SPATS2: variants seen among roughly 807,000 people sequenced by gnomAD.
SPATS2 encodes the protein spermatogenesis associated serine rich 2, also known as spermatogenesis-associated serine-rich protein 2.
A neutral mutation model predicts 63.7 loss-of-function variants in SPATS2; 38 were observed. That is an observed-to-expected ratio of 0.60 (90% CI 0.46 to 0.78). The LOEUF is 0.78. Ranked by LOEUF, SPATS2 falls within the 30% of genes least tolerant of loss-of-function variation. SPATS2 has a pLI of 0.00. For synonymous variants in SPATS2, 207 were observed against 232.9 expected (o/e 0.89, Z 1.01); for missense variants, 588 against 666.2 (o/e 0.88, Z 1.29).
At chr12:49,453,031 C>T (rs1592411390) in intron 2 of SPATS2, among the ~76,000 whole-genome samples, 1 of 151,802 alleles carries the variant, frequency 6.6e-6, no homozygotes, top group South Asian at 2.1e-4. Flanking sequence ...TGATGGCGGG[C>T]GCCTGTAGTC....
chr12:49,483,577 G>A (rs1946241237), intron 3 of SPATS2, among the ~76,000 whole-genome samples: 1 of 152,120 alleles, frequency 6.6e-6, no homozygotes, highest in Non-Finnish European at 1.5e-5. Context: ...ATTAATTCAA[G>A]GTTCAAGATT....
intron 4 of SPATS2, chr12:49,486,373 G>A (rs1165187413): frequency 4.4e-5 from 14 of 315,030 alleles, no homozygotes; most frequent in South Asian, 2.3e-4. Flanking sequence ...GCCTGGCTAA[G>A]TTTTTATATT....
At chr12:49,430,574 G>A (rs1237812912) in intron 2 of SPATS2, among the ~76,000 whole-genome samples, 1 of 152,086 alleles carries the variant, frequency 6.6e-6, no homozygotes, top group African/African-American at 2.4e-5. Flanking sequence ...TGCAGGTGTA[G>A]TAGGTTAGCA....
At chr12:49,415,064 C>T (rs562171666) in intron 2 of SPATS2, among the ~76,000 whole-genome samples, 2 of 151,572 alleles carry the variant, frequency 1.3e-5, no homozygotes, top group East Asian at 1.9e-4. Flanking sequence ...CTTAGCCTCC[C>T]GAGTAGAGGC....
chr12:49,454,054 AGGCTT>A (rs1014607171), intron 2 of SPATS2, among the ~76,000 whole-genome samples: 1 of 151,942 alleles, frequency 6.6e-6, no homozygotes, highest in Non-Finnish European at 1.5e-5. Context: ...TAGTAGAGAC[AGGCTT>A]TCACTGTGTT....
At chr12:49,443,032 A>G (rs1007896488) in intron 2 of SPATS2, among the ~76,000 whole-genome samples, 1 of 152,104 alleles carries the variant, frequency 6.6e-6, no homozygotes, top group African/African-American at 2.4e-5. Context: ...GGCTTATTCT[A>G]TTAGCATCTG....
chr12:49,514,072 G>A (rs1189546261), intron 9 of SPATS2, among the ~76,000 whole-genome samples: 1 of 151,890 alleles, frequency 6.6e-6, no homozygotes. Flanking sequence ...CAGGAGAATG[G>A]CGTGAACCCG....
intron 2 of SPATS2, among the ~76,000 whole-genome samples, chr12:49,410,079 G>T (rs536817720): frequency 1.0e-3 from 155 of 148,938 alleles, no homozygotes; most frequent in African/African-American, 2.9e-3. Flanking sequence ...GTTTTTTTTT[G>T]TTGTTGTTGT....
intron 2 of SPATS2, among the ~76,000 whole-genome samples, chr12:49,392,497 G>A (rs1326151053): frequency 6.6e-6 from 1 of 152,138 alleles, no homozygotes; most frequent in African/African-American, 2.4e-5. Flanking sequence ...TGAATCACCT[G>A]AGGTCAGGAG....
chr12:49,449,058 T>C (rs1240979458), intron 2 of SPATS2, among the ~76,000 whole-genome samples: 1 of 152,252 alleles, frequency 6.6e-6, no homozygotes, highest in East Asian at 1.9e-4. Context: ...AAACAGGCAG[T>C]AGAGCTGACT....
At chr12:49,522,157 G>A (rs78471387) in intron 11 of SPATS2, among the ~76,000 whole-genome samples, 1,934 of 152,248 alleles carry the variant, frequency 0.013, 38 homozygotes, top group African/African-American at 0.038. Context: ...GACTCAAGGG[G>A]TTGGTTACTT....
intron 3 of SPATS2, among the ~76,000 whole-genome samples, chr12:49,468,121 C>T: frequency 1.4e-5 from 2 of 143,714 alleles, no homozygotes; most frequent in South Asian, 2.3e-4. Flanking sequence ...CTCTTTCTTT[C>T]TTCTTTTTCT....
At chr12:49,475,198 C>A (rs1054343502) in intron 3 of SPATS2, among the ~76,000 whole-genome samples, 2 of 152,052 alleles carry the variant, frequency 1.3e-5, no homozygotes, top group Non-Finnish European at 2.9e-5. Flanking sequence ...TGATGTTAAG[C>A]AAAAATCCAA....
chr12:49,462,707 G>A (rs1592422418), intron 3 of SPATS2: 4 of 526,564 alleles, frequency 7.6e-6, no homozygotes, highest in Non-Finnish European at 1.4e-5. Flanking sequence ...GGGGTTGGTG[G>A]GGTGCGGGTA....
chr12:49,465,208 A>C (rs568779087), intron 3 of SPATS2, among the ~76,000 whole-genome samples: 1 of 152,148 alleles, frequency 6.6e-6, no homozygotes, highest in South Asian at 2.1e-4. Flanking sequence ...ATGTGTTTGC[A>C]TTTCTCTTGT....
rs762843949 is a variant in SPATS2 at position 49,526,121 on chromosome 12, A to G, written c.1504A>G (p.Arg502Gly). ...TCAGGCACCAGGAAACACCATTGAA[A>G]GAGGCCAGACTCACTCTGCAGGGAC... ...PSQAPGNTIE[R>G]GQTHSAGTNG... Residue 502 changes from arginine (R) to glycine (G), a missense_variant, in exon 14 of 14, where the codon AGA becomes GGA. Transcript: ENST00000552918. 7 of 1,614,094 alleles carry G rather than the reference A, an allele frequency of 4.3e-6. No homozygotes were observed. Among genetic ancestry groups the G allele is most frequent in the Non-Finnish European group, 5.1e-6 (6 of 1,180,050 alleles).
chr12:49,506,944 A>G (rs966743804), intron 9 of SPATS2, among the ~76,000 whole-genome samples: 5 of 152,194 alleles, frequency 3.3e-5, no homozygotes, highest in African/African-American at 1.2e-4. Flanking sequence ...AGGCTATGTA[A>G]CAGAGAAACC....
chr12:49,481,751 C>G (rs1316695197), intron 3 of SPATS2, among the ~76,000 whole-genome samples: 1 of 152,068 alleles, frequency 6.6e-6, no homozygotes, highest in African/African-American at 2.4e-5. Flanking sequence ...GTGTGAGCCA[C>G]TGCATCTGGC....
At chr12:49,401,764 C>G (rs1288902067) in intron 2 of SPATS2, among the ~76,000 whole-genome samples, 2 of 152,100 alleles carry the variant, frequency 1.3e-5, no homozygotes, top group Non-Finnish European at 2.9e-5. Context: ...GTGGCACGAT[C>G]TCAGCTCACT....
Sources: allele counts gnomAD v4.1 joint callset (sites outside exome capture counted in the v4.1 genomes callset), GRCh38; gene constraint gnomAD v4.1.1; transcripts MANE v1.5; gene names NCBI Gene and HGNC (gene_info 2026-07-23, HGNC 2026-07-21).